Variants in ADGB observed in about 807,000 individuals in gnomAD.
The protein encoded by ADGB is calpain-7-like protein.
In ADGB, 172 loss-of-function variants were observed where a neutral mutation model predicts 210.5. That is an observed-to-expected ratio of 0.82 (90% CI 0.72 to 0.93). ADGB has a LOEUF of 0.93. Ranked by LOEUF, ADGB falls within the 40% of genes least tolerant of loss-of-function variation. The pLI, the probability that ADGB is intolerant of heterozygous loss-of-function variation, is 0.00. For synonymous variants in ADGB, 658 were observed against 662.7 expected (o/e 0.99, Z 0.11); for missense variants, 2,025 against 1,964.8 (o/e 1.03, Z -0.58).
chr6:146,809,742 G>T (rs945612945), intron 35 of ADGB, among the ~76,000 whole-genome samples: 1 of 152,166 alleles, frequency 6.6e-6, no homozygotes, highest in East Asian at 1.9e-4. Flanking sequence ...AAATGATGTT[G>T]GGAAAACTAA....
At position 146,716,989 on chromosome 6, in the gene ADGB, A is replaced by C; in HGVS notation, c.1848A>C (p.Ser616=). 1 of 1,551,686 alleles carries C rather than the reference A, an allele frequency of 6.4e-7. No individual in the cohort carries two copies. Among genetic ancestry groups the C allele is most frequent in the Non-Finnish European group, 8.7e-7 (1 of 1,146,970 alleles). Residue 616 remains serine, a synonymous_variant, in exon 15 of 36, where the codon TCA becomes TCC. Coordinates refer to ENST00000397944, the MANE Select transcript of ADGB (RefSeq NM_024694.4). ...VSQTTATQEK[S]QEELPTTNNS... ...AGACCACAGCAACACAGGAAAAGTC[A>C]CAGGAAGAACTTCCAACAACAAATA...
chr6:146,667,960 G>T (rs1775959421), intron 7 of ADGB, among the ~76,000 whole-genome samples: 1 of 151,944 alleles, frequency 6.6e-6, no homozygotes, highest in Admixed American at 6.6e-5. Flanking sequence ...CTGGTCCAAA[G>T]CCCACAGTCT....
At chr6:146,692,204 CTT>C (rs34540893) in intron 11 of ADGB, among the ~76,000 whole-genome samples, 2 of 151,898 alleles carry the variant, frequency 1.3e-5, no homozygotes, top group Admixed American at 6.6e-5. Context: ...GTCCTAGTCT[CTT>C]TTTTTTCCTA....
chr6:146,672,446 A>G lies in ADGB; in HGVS notation c.1066A>G (p.Lys356Glu). The change falls in exon 8 of 36, where the codon AAA becomes GAA. Residue 356 changes from lysine to glutamate, a missense_variant. Lys to Glu is a moderately conservative substitution (Grantham distance 56). Coordinates refer to ENST00000397944, the MANE Select transcript of ADGB (RefSeq NM_024694.4). ...TTTGACAACACTAAAGGCTCCTGAG[A>G]AAAGCGACAAAGTTCCAAAGGGTAA... is the stretch of plus-strand genomic sequence containing the variant. Reference protein sequence around the residue: ...SSLTTLKAPEKSDKVPKEKAD... With the variant: ...SSLTTLKAPEESDKVPKEKAD... 6.5e-7 allele frequency: 1 copy of G among 1,544,932 alleles called. No homozygotes were observed. Among genetic ancestry groups the G allele is most frequent in the Non-Finnish European group, 8.7e-7 (1 of 1,145,102 alleles).
chr6:146,785,709 G>A lies in ADGB; in HGVS notation c.4312G>A (p.Glu1438Lys). Residue 1438 changes from glutamate to lysine, a missense_variant, in exon 32 of 36, where the codon GAA (glutamate) becomes AAA (lysine). Glu to Lys is a moderately conservative substitution (Grantham distance 56). Coordinates refer to ENST00000397944, the MANE Select transcript of ADGB (RefSeq NM_024694.4). ...TGAAAGCCAAACTAAACCAAAAGAA[G>A]AAGGTGAGTGGATCCTACCACCCCA... ...ISESQTKPKE[E>K]VETAARGVKE... 1 of 1,547,192 alleles carries A rather than the reference G, an allele frequency of 6.5e-7. No individual in the cohort carries two copies. Among genetic ancestry groups the A allele is most frequent in the Non-Finnish European group, 8.7e-7 (1 of 1,143,524 alleles).
chr6:146,649,669 T>C (rs1181304378), intron 3 of ADGB, among the ~76,000 whole-genome samples: 1 of 151,938 alleles, frequency 6.6e-6, no homozygotes, highest in African/African-American at 2.4e-5. Flanking sequence ...TTTTCTATTT[T>C]TTGTAGAGAC....
chr6:146,752,611 G>T lies in ADGB; in HGVS notation c.3447G>T (p.Gln1149His). 1 of 1,550,918 alleles carries T rather than the reference G, an allele frequency of 6.4e-7. No individual in the cohort carries two copies. Among genetic ancestry groups the T allele is most frequent in the Non-Finnish European group, 8.7e-7 (1 of 1,146,486 alleles). ...TSKPDAFIKL[Q>H]VLENEETMVS... ...AACCAGATGCATTCATCAAGCTGCA[G>T]GTCCTAGAAAATGAAGAAACTATGG... Residue 1149 changes from glutamine (Q) to histidine (H), a missense_variant, in exon 27 of 36, where the codon CAG (glutamine) becomes CAT (histidine). By Grantham distance (24) the Gln-to-His change is conservative. Coordinates refer to ENST00000397944, the MANE Select transcript of ADGB (RefSeq NM_024694.4).
rs913091842 is a variant in ADGB at position 146,784,683 on chromosome 6, T to C, written c.4101T>C (p.Thr1367=). ...CCTACTGGATTTTGAGGTTGGTCAC[T>C]GAACACAATGAATCAGAATTATTTG... ...NKPYWILRLV[T]EHNESELFEV... Residue 1367 remains threonine, a synonymous_variant, in exon 31 of 36, where the codon ACT becomes ACC. Transcript: ENST00000397944. The C allele has an allele frequency of 1.1e-5, 17 of 1,551,252 alleles. No individual in the cohort carries two copies. Among genetic ancestry groups the C allele is most frequent in the East Asian group, 2.4e-5 (1 of 40,908 alleles).
rs950594953 is a variant in ADGB, at chr6:146,659,313, A to G, written c.612+2333A>G. ...ACTTCTTGATTCAGTACAATACACT[A>G]CAGATTCATCTTATACCCTACATTT... is the stretch of plus-strand genomic sequence containing the variant. On this transcript the variant is annotated intron_variant, in intron 5 of 35. Transcript: ENST00000397944. 6.6e-5 allele frequency among the ~76,000 whole-genome samples: 10 copies of G among 152,218 alleles called. No individual in the cohort carries two copies. In the South Asian group the frequency reaches 2.1e-3, roughly 31 times the overall value.
chr6:146,710,889 G>A (rs1266070591), intron 13 of ADGB, among the ~76,000 whole-genome samples: 1 of 152,042 alleles, frequency 6.6e-6, no homozygotes, highest in East Asian at 1.9e-4. Context: ...GGCTTCATGA[G>A]GGCAGAGATA....
intron 26 of ADGB, among the ~76,000 whole-genome samples, chr6:146,749,496 T>C (rs1271865429): frequency 6.6e-6 from 1 of 150,718 alleles, no homozygotes; most frequent in Admixed American, 6.6e-5. Flanking sequence ...AGTGGAAGAG[T>C]TTTTAAAGGA....
At position 146,724,228 on chromosome 6, in the gene ADGB, C is replaced by T. The variant is rs1250179172; in HGVS notation, c.2138C>T (p.Thr713Ile). The stretch of plus-strand genomic sequence containing the variant: ...CCTCCCATAGAGCCTGGACTTCTCA[C>T]AGCTGAAACGTTTTCTTGGAAATCC... ...DSPPIEPGLL[T>I]AETFSWKSLK... The change falls in exon 18 of 36, where the codon ACA becomes ATA. Residue 713 changes from threonine (T) to isoleucine (I), a missense_variant. Thr to Ile is a moderately conservative substitution (Grantham distance 89). Transcript: ENST00000397944. The T allele has an allele frequency of 3.9e-6, 6 of 1,551,050 alleles. No homozygotes were observed. The Admixed American group carries it at 5.9e-5, about 15-fold the overall frequency.
intron 18 of ADGB, chr6:146,724,767 C>CT (rs1291317090): frequency 2.0e-5 from 3 of 152,092 alleles, no homozygotes; most frequent in African/African-American, 7.2e-5. Flanking sequence ...TTTCCCCTAC[C>CT]AATCTAGATT....
At chr6:146,737,027 G>GA (rs1014439925) in intron 23 of ADGB, among the ~76,000 whole-genome samples, 24 of 150,690 alleles carry the variant, frequency 1.6e-4, no homozygotes, top group African/African-American at 3.4e-4. Context: ...AAGCTAACCT[G>GA]AAAAAAACAG....
chr6:146,784,790 T>C lies in ADGB; in HGVS notation c.4208T>C (p.Ile1403Thr). The C allele has an allele frequency of 6.5e-7, 1 of 1,544,854 alleles. No homozygotes were observed. Among genetic ancestry groups the C allele is most frequent in the Non-Finnish European group, 8.7e-7 (1 of 1,144,568 alleles). Residue 1403 changes from isoleucine to threonine, a missense_variant, in exon 31 of 36, where the codon ATC (isoleucine) becomes ACC (threonine). Transcript: ENST00000397944. ...GAGACAACTGAGCCAGGAAGAGCAATCAAGGTCACCTGATTTCGAAAAGCT... is the reference window on the plus strand; with the variant it reads ...GAGACAACTGAGCCAGGAAGAGCAACCAAGGTCACCTGATTTCGAAAAGCT... ...AWETTEPGRA[I>T]KASQARLHYL... is the part of the protein sequence containing the mutation.
chr6:146,641,052 A>G (rs942128354), intron 2 of ADGB, among the ~76,000 whole-genome samples: 4 of 152,028 alleles, frequency 2.6e-5, no homozygotes, highest in East Asian at 1.9e-4. Flanking sequence ...CTGATAAACA[A>G]CTTCAGCAAA....
rs1776892877 is a variant in ADGB at position 146,726,197 on chromosome 6, A to G, written c.2352A>G (p.Pro784=). The G allele has an allele frequency of 1.3e-6, 2 of 1,534,904 alleles. No homozygotes were observed. The highest frequency in any genetic ancestry group is 2.8e-5 in the African/African-American group (2 of 72,718). The part of the protein sequence containing the change: ...DEHVVLPNFE[P]ESCRFTEQSL... ...ACGTTGTACTGCCCAACTTTGAACC[A>G]GTAAGTATTTTTGCAACAGCAAGTT... The change falls in exon 19 of 36, where the codon CCA becomes CCG. Residue 784 remains proline, a splice_region_variant and synonymous_variant. Transcript: ENST00000397944.
At chr6:146,799,956 G>A (rs1248090985) in intron 33 of ADGB, among the ~76,000 whole-genome samples, 1 of 151,734 alleles carries the variant, frequency 6.6e-6, no homozygotes, top group Non-Finnish European at 1.5e-5. Context: ...ATTACAGGCA[G>A]CTGCCACTGT....
intron 29 of ADGB, among the ~76,000 whole-genome samples, chr6:146,781,078 A>C (rs911450604): frequency 1.3e-5 from 2 of 151,344 alleles, no homozygotes; most frequent in Non-Finnish European, 2.9e-5. Context: ...CTGTAATCCC[A>C]GCACTTTGGG....
Sources: gnomAD v4.1 joint callset for allele counts (sites outside exome capture counted in the v4.1 genomes callset) on GRCh38, gnomAD v4.1.1 for gene constraint, MANE v1.5 for transcripts, NCBI Gene and HGNC (gene_info 2026-07-23, HGNC 2026-07-21) for gene names.